Variants in SHISA9 observed in about 807,000 individuals in gnomAD.
SHISA9 encodes shisa family member 9, also known as protein shisa-9.
Under a neutral mutation model 38.0 loss-of-function variants are expected in SHISA9, and 13 were observed. The ratio of observed to expected loss-of-function variants is 0.34; its 90% CI spans 0.22 to 0.54. The LOEUF (loss-of-function observed/expected upper bound fraction) is 0.54, where lower values mean the gene tolerates loss of function less well. Ranked by LOEUF, SHISA9 falls within the 20% of genes least tolerant of loss-of-function variation. SHISA9 has a pLI of 0.91. For synonymous variants in SHISA9, 275 were observed against 242.0 expected (o/e 1.14, Z -1.27); for missense variants, 538 against 575.8 (o/e 0.93, Z 0.67).
chr16:12,922,681 G>C (rs557582378), intron 2 of SHISA9, among the ~76,000 whole-genome samples: 5 of 151,986 alleles, frequency 3.3e-5, no homozygotes, highest in Non-Finnish European at 7.4e-5. Context: ...CACCACACCC[G>C]GTTGATTTTT....
At chr16:13,045,275 C>T (rs994249761) in intron 2 of SHISA9, among the ~76,000 whole-genome samples, 3 of 152,172 alleles carry the variant, frequency 2.0e-5, no homozygotes, top group Non-Finnish European at 4.4e-5. Flanking sequence ...TCATTGAATG[C>T]CTACTATGAG....
chr16:13,040,322 G>A (rs1309724656), intron 2 of SHISA9, among the ~76,000 whole-genome samples: 1 of 152,218 alleles, frequency 6.6e-6, no homozygotes, highest in East Asian at 1.9e-4. Flanking sequence ...AACACATGGT[G>A]CTTCTCTCTA....
intron 2 of SHISA9, among the ~76,000 whole-genome samples, chr16:13,197,156 TAGAGAGAG>T (rs369827299): frequency 5.0e-5 from 7 of 141,298 alleles, no homozygotes; most frequent in African/African-American, 1.6e-4. Flanking sequence ...TATATATATA[TAGAGAGAG>T]AGAGAGAGAG....
intron 2 of SHISA9, among the ~76,000 whole-genome samples, chr16:12,953,605 CTT>C (rs2071789099): frequency 6.6e-6 from 1 of 152,288 alleles, no homozygotes; most frequent in African/African-American, 2.4e-5. Flanking sequence ...ACCTATTACT[CTT>C]TTACTGCCTA....
the SHISA9 span, among the ~76,000 whole-genome samples, chr16:13,267,254 A>G: frequency 6.6e-6 from 1 of 152,238 alleles, no homozygotes; most frequent in Non-Finnish European, 1.5e-5. Context: ...GAAAATAAAA[A>G]TCACAAGGAG....
the SHISA9 span, among the ~76,000 whole-genome samples, chr16:13,527,755 C>T: frequency 6.6e-6 from 1 of 152,142 alleles, no homozygotes; most frequent in South Asian, 2.1e-4. Context: ...AATAAATTCC[C>T]CCTTTTTGCT....
At chr16:13,010,989 C>G (rs1019621864) in intron 2 of SHISA9, among the ~76,000 whole-genome samples, 1 of 152,090 alleles carries the variant, frequency 6.6e-6, no homozygotes, top group Non-Finnish European at 1.5e-5. Context: ...ATATTCTTAT[C>G]AAGTTTCTGA....
the SHISA9 span, among the ~76,000 whole-genome samples, chr16:13,483,778 T>C: frequency 3.3e-5 from 5 of 152,172 alleles, no homozygotes; most frequent in Non-Finnish European, 7.3e-5. Context: ...TCTGGATAAC[T>C]GAACATGTAG....
chr16:13,388,616 C>T, the SHISA9 span, among the ~76,000 whole-genome samples: 1 of 152,248 alleles, frequency 6.6e-6, no homozygotes, highest in African/African-American at 2.4e-5. Context: ...AGAATTTGGA[C>T]AGTCTTTTGT....
the SHISA9 span, among the ~76,000 whole-genome samples, chr16:13,409,300 T>C: frequency 2.0e-4 from 31 of 152,350 alleles, no homozygotes; most frequent in African/African-American, 7.5e-4. Flanking sequence ...CTTCAAGTCT[T>C]TGTGTGACCC....
chr16:12,988,449 C>A lies in SHISA9; in HGVS notation c.691+71634C>A, dbSNP rs561575957. On this transcript the variant is annotated intron_variant, in intron 2 of 4. Coordinates refer to ENST00000558583, the MANE Select transcript of SHISA9 (RefSeq NM_001145204.3). ...TCACTCATTCTCAGACAGGGTCTCT[C>A]CCCAGAGAAAATGGACAAGTTCCTT... Among the ~76,000 whole-genome samples, 4 of 152,314 alleles carry A rather than the reference C, an allele frequency of 2.6e-5. No homozygotes were observed. The South Asian group carries it at 8.3e-4, about 32-fold the overall frequency.
At chr16:13,058,091 A>G (rs781477739) in intron 2 of SHISA9, among the ~76,000 whole-genome samples, 15 of 152,236 alleles carry the variant, frequency 9.9e-5, no homozygotes, top group Non-Finnish European at 1.6e-4. Context: ...ACATACAAGC[A>G]TGCCAATCTT....
chr16:13,410,306 A>G, the SHISA9 span, among the ~76,000 whole-genome samples: 7 of 152,200 alleles, frequency 4.6e-5, no homozygotes, highest in African/African-American at 1.7e-4. Flanking sequence ...CATCTTTCCA[A>G]TCAATAGTTT....
chr16:13,434,324 C>G, the SHISA9 span, among the ~76,000 whole-genome samples: 1 of 152,048 alleles, frequency 6.6e-6, no homozygotes, highest in Non-Finnish European at 1.5e-5. Context: ...TTTGACAGCA[C>G]CCTTGCAGAT....
chr16:13,437,205 CA>C, the SHISA9 span, among the ~76,000 whole-genome samples: 13 of 150,328 alleles, frequency 8.6e-5, no homozygotes, highest in South Asian at 2.1e-4. Context: ...AGTTTTTACT[CA>C]AAAAAAAATG....
chr16:13,087,640 G>A (rs2073727984), intron 2 of SHISA9, among the ~76,000 whole-genome samples: 4 of 152,176 alleles, frequency 2.6e-5, no homozygotes, highest in Admixed American at 2.6e-4. Flanking sequence ...GGAAGTGTCT[G>A]TTCATATCCT....
the SHISA9 span, among the ~76,000 whole-genome samples, chr16:13,285,671 A>T: frequency 6.6e-6 from 1 of 151,958 alleles, no homozygotes; most frequent in African/African-American, 2.4e-5. Flanking sequence ...CTGGGTTGGA[A>T]ATCTGTATAT....
chr16:13,332,219 G>A, the SHISA9 span, among the ~76,000 whole-genome samples: 1 of 152,104 alleles, frequency 6.6e-6, no homozygotes. Context: ...AAGTTGTCCT[G>A]GTTTTCCTGG....
At position 13,046,903 on chromosome 16, in the gene SHISA9, C is replaced by A. The variant is rs564105301; in HGVS notation, c.691+130088C>A. ...AGCAGCACCATTCCCCCGGTTATGTCCTCCTGGAACCTGCAGATTATTTAC... is the reference window on the plus strand; with the variant it reads ...AGCAGCACCATTCCCCCGGTTATGTACTCCTGGAACCTGCAGATTATTTAC... On this transcript the variant is annotated intron_variant, in intron 2 of 4. Coordinates refer to ENST00000558583, the MANE Select transcript of SHISA9 (RefSeq NM_001145204.3). Among the ~76,000 whole-genome samples the A allele has an allele frequency of 1.4e-4, 22 of 152,264 alleles. No homozygotes were observed. In the South Asian group the frequency reaches 4.6e-3, roughly 32 times the overall value.
Sources: allele counts gnomAD v4.1 joint callset (sites outside exome capture counted in the v4.1 genomes callset), GRCh38; gene constraint gnomAD v4.1.1; transcripts MANE v1.5; gene names NCBI Gene and HGNC (gene_info 2026-07-23, HGNC 2026-07-21).